The following HTR2B variants were observed in gnomAD, a reference collection of about 807,000 sequenced individuals.
The protein encoded by HTR2B is 5-hydroxytryptamine receptor 2B, also known as 5-HT 2B receptor.
Under a neutral mutation model 39.8 loss-of-function variants are expected in HTR2B, and 31 were observed. The observed-to-expected ratio is 0.78, with a 90% CI of 0.58 to 1.05. The LOEUF (loss-of-function observed/expected upper bound fraction) is 1.05, where lower values mean the gene tolerates loss of function less well. HTR2B is among the 50% of genes least tolerant of loss of function. The pLI is 0.00. For synonymous variants in HTR2B, 210 were observed against 207.1 expected (o/e 1.01, Z -0.12); for missense variants, 562 against 578.0 (o/e 0.97, Z 0.28).
chr2:231,119,063 G>A (rs1318164797), intron 2 of HTR2B, among the ~76,000 whole-genome samples: 1 of 152,140 alleles, frequency 6.6e-6, no homozygotes, highest in Non-Finnish European at 1.5e-5. Context: ...GAGCATATGA[G>A]TTATCCTGGG....
At position 231,123,615 on chromosome 2, in the gene HTR2B, C is replaced by G. The variant is rs1207177027; in HGVS notation, c.150G>C (p.Gln50His). Residue 50 changes from glutamine to histidine, a missense_variant, in exon 2 of 4, where the codon CAG (glutamine) becomes CAC (histidine). Physicochemically the swap from Gln to His is conservative, Grantham distance 24. Transcript: ENST00000258400. ...GAGCTGCCCAGTGCAGTTTATTTCC[C>G]TGTTCCTCAACAATCTGTTTCATTT... ...PEEMKQIVEE[Q>H]GNKLHWAALL... 2 of 1,614,026 alleles carry G rather than the reference C, an allele frequency of 1.2e-6. No individual in the cohort carries two copies. Among genetic ancestry groups the G allele is most frequent in the African/African-American group, 2.7e-5 (2 of 74,928 alleles).
intron 2 of HTR2B, among the ~76,000 whole-genome samples, chr2:231,117,256 G>A (rs1695374578): frequency 6.6e-6 from 1 of 151,970 alleles, no homozygotes; most frequent in Non-Finnish European, 1.5e-5. Flanking sequence ...TACATTATTT[G>A]TTATAATGTA....
intron 2 of HTR2B, among the ~76,000 whole-genome samples, chr2:231,121,116 TTAGA>T (rs796524198): frequency 5.1e-4 from 77 of 152,322 alleles, no homozygotes; most frequent in African/African-American, 1.8e-3. Context: ...CAATAATGTA[TTAGA>T]TAGTAGTTCA....
Position 231,113,859 on chromosome 2 carries a change from T to C in HTR2B, c.423A>G (p.Ala141=). ...WLFLDVLFST[A]SIMHLCAISV... is the part of the protein sequence containing the mutation. ...AAATGGCACAGAGATGCATGATGGA[T>C]GCGGTTGAAAAGAGAACGTCAAGAA... is the stretch of plus-strand genomic sequence containing the variant. Residue 141 remains alanine, a synonymous_variant, in exon 3 of 4, where the codon GCA becomes GCG. Transcript: ENST00000258400. The C allele has an allele frequency of 6.2e-7, 1 of 1,614,150 alleles. No homozygotes were observed. The highest frequency in any genetic ancestry group is 8.5e-7 in the Non-Finnish European group (1 of 1,180,002).
chr2:231,123,275 A>C (rs944506296), intron 2 of HTR2B, 138 bp downstream of exon 2: 3 of 723,348 alleles, frequency 4.1e-6, no homozygotes, highest in Non-Finnish European at 7.4e-6. Context: ...AAAACAAGGG[A>C]CTGTTTACTT....
intron 2 of HTR2B, among the ~76,000 whole-genome samples, chr2:231,122,185 T>C (rs1009237427): frequency 3.3e-5 from 5 of 152,148 alleles, no homozygotes; most frequent in Non-Finnish European, 5.9e-5. Flanking sequence ...AGTAGAACTT[T>C]ACTCATTACT....
At chr2:231,117,601 G>A (rs1402124394) in intron 2 of HTR2B, among the ~76,000 whole-genome samples, 1 of 152,100 alleles carries the variant, frequency 6.6e-6, no homozygotes, top group Admixed American at 6.6e-5. Flanking sequence ...ATATTTTATT[G>A]TTTAAAATGA....
At position 231,123,523 on chromosome 2, in the gene HTR2B, A is replaced by G. The variant is rs770362891; in HGVS notation, c.242T>C (p.Leu81Pro). 1.2e-5 allele frequency: 20 copies of G among 1,614,108 alleles called. No homozygotes were observed. In the South Asian group the frequency reaches 1.5e-4, roughly 12 times the overall value. ...GNTLVILAVS[L>P]EKKLQYATNY... Reference sequence around the variant, plus strand: ...AGTAGCATACTGCAGCTTCTTCTCCAGTGAAACAGCCAGAATAACAAGGGT... The same window carrying G: ...AGTAGCATACTGCAGCTTCTTCTCCGGTGAAACAGCCAGAATAACAAGGGT... The change falls in exon 2 of 4, where the codon CTG (leucine) becomes CCG (proline). Residue 81 changes from leucine to proline, a missense_variant. Leu to Pro is a moderately conservative substitution (Grantham distance 98, BLOSUM62 -3). Coordinates refer to ENST00000258400, the MANE Select transcript of HTR2B (RefSeq NM_000867.5).
Position 231,108,421 on chromosome 2 carries a change from A to G in HTR2B, c.*96T>C, listed in dbSNP as rs1695028829. 4.7e-6 allele frequency: 4 copies of G among 851,824 alleles called. No homozygotes were observed. 52.8% of individuals were successfully genotyped at this position (851,824 alleles called of 1,614,324 possible). On this transcript the variant is annotated 3_prime_UTR_variant, in exon 4 of 4. Coordinates refer to ENST00000258400, the MANE Select transcript of HTR2B (RefSeq NM_000867.5). ...TTAGGTTAAAGAGATGATTTGATAT[A>G]TGACATAAAATTCTTTATATAATAT...
At chr2:231,110,851 C>A (rs1238258272) in intron 3 of HTR2B, among the ~76,000 whole-genome samples, 1 of 152,230 alleles carries the variant, frequency 6.6e-6, no homozygotes, top group Admixed American at 6.5e-5. Context: ...AATGGAGGAG[C>A]TGTGACAGAA....
intron 1 of HTR2B, 133 bp downstream of exon 1, chr2:231,124,839 T>C (rs1411178644): frequency 6.6e-6 from 1 of 152,188 alleles, no homozygotes; most frequent in African/African-American, 2.4e-5. Flanking sequence ...AAAACTCTCC[T>C]TTAGCATTAG....
chr2:231,108,950 C>T lies in HTR2B; in HGVS notation c.1013G>A (p.Cys338Tyr), dbSNP rs1362518901. The T allele has an allele frequency of 6.2e-7, 1 of 1,614,066 alleles. No homozygotes were observed. The highest frequency in any genetic ancestry group is 1.6e-4 in the Middle Eastern group (1 of 6,062). Residue 338 changes from cysteine (C) to tyrosine (Y), a missense_variant, in exon 4 of 4, where the codon TGT (cysteine) becomes TAT (tyrosine). By Grantham distance (194) the Cys-to-Tyr change is radical. Transcript: ENST00000258400. ...IVFFLFLLMW[C>Y]PFFITNITLV... ...AGTTATATTTGTAATAAAGAAGGGA[C>T]ACCACATAAGCAAAAAGAGGAAAAA...
chr2:231,110,614 T>C (rs1695125939), intron 3 of HTR2B, among the ~76,000 whole-genome samples: 1 of 152,226 alleles, frequency 6.6e-6, no homozygotes, highest in Non-Finnish European at 1.5e-5. Context: ...TTGACAAGAA[T>C]ATGTTCCTCA....
intron 3 of HTR2B, among the ~76,000 whole-genome samples, chr2:231,112,748 C>CT (rs1278580730): frequency 2.0e-5 from 3 of 152,162 alleles, no homozygotes; most frequent in Non-Finnish European, 4.4e-5. Context: ...AGAAGTATAG[C>CT]TTTGAGTATT....
chr2:231,109,452 C>G (rs370787856), intron 3 of HTR2B, 43 bp from the exon 4 acceptor site: 64 of 1,518,738 alleles, frequency 4.2e-5, no homozygotes, highest in Non-Finnish European at 4.0e-5. Context: ...ATTTTATGAC[C>G]TGTAACTCTT....
At chr2:231,110,381 T>C (rs1695117597) in intron 3 of HTR2B, among the ~76,000 whole-genome samples, 1 of 152,232 alleles carries the variant, frequency 6.6e-6, no homozygotes, top group Non-Finnish European at 1.5e-5. Context: ...TTCTGATCTT[T>C]AAATACCATG....
intron 2 of HTR2B, among the ~76,000 whole-genome samples, chr2:231,120,487 C>T (rs529393542): frequency 5.9e-5 from 9 of 152,266 alleles, no homozygotes; most frequent in African/African-American, 1.9e-4. Context: ...GTCCAGTGCT[C>T]CCAGATAGGA....
chr2:231,116,679 C>T (rs1056138884), intron 2 of HTR2B, among the ~76,000 whole-genome samples: 3 of 151,992 alleles, frequency 2.0e-5, no homozygotes, highest in Non-Finnish European at 2.9e-5. Context: ...CCCTATGAAG[C>T]CCTGTTAGCC....
intron 2 of HTR2B, among the ~76,000 whole-genome samples, chr2:231,119,366 C>T (rs960059924): frequency 2.2e-4 from 33 of 152,254 alleles, no homozygotes; most frequent in African/African-American, 7.9e-4. Context: ...TTATAAGATG[C>T]TGGGCCCTGC....
Sources: gnomAD v4.1 joint callset for allele counts (sites outside exome capture counted in the v4.1 genomes callset) on GRCh38, gnomAD v4.1.1 for gene constraint, MANE v1.5 for transcripts, NCBI Gene and HGNC (gene_info 2026-07-23, HGNC 2026-07-21) for gene names.